Variants in CERT1 observed in about 807,000 individuals in gnomAD.
CERT1 encodes the protein ceramide transfer protein.
Under a neutral mutation model 87.9 loss-of-function variants are expected in CERT1, and 31 were observed. The ratio of observed to expected loss-of-function variants is 0.35; its 90% CI spans 0.27 to 0.48. The LOEUF is 0.48. CERT1 is among the 20% of genes least tolerant of loss of function. The pLI, the probability that CERT1 is intolerant of heterozygous loss-of-function variation, is 0.99. For missense variants in CERT1, 487 were observed against 758.0 expected, an observed-to-expected ratio of 0.64 and a Z score of 4.20; for synonymous variants, 289 against 250.9, an observed-to-expected ratio of 1.15 and a Z score of -1.44.
chr5:75,468,973 G>A (rs371185187), intron 2 of CERT1, among the ~76,000 whole-genome samples: 28 of 152,248 alleles, frequency 1.8e-4, no homozygotes, highest in Admixed American at 9.2e-4. Context: ...ACCCAAAAGA[G>A]ATGGAGATGT....
intron 9 of CERT1, 128 bp downstream of exon 9, chr5:75,402,844 T>C (rs1762553018): frequency 1.7e-6 from 1 of 573,194 alleles, no homozygotes; most frequent in South Asian, 2.7e-5. Context: ...CTCAATGTAT[T>C]CACAGTTAAG....
intron 3 of CERT1, among the ~76,000 whole-genome samples, chr5:75,444,551 T>TTG (rs1181784409): frequency 2.0e-5 from 3 of 147,020 alleles, no homozygotes; most frequent in Non-Finnish European, 3.0e-5. Flanking sequence ...TTCTTTTCTT[T>TTG]TTTTTTTTTT....
chr5:75,432,721 TTTTG>T (rs1397194277), intron 3 of CERT1, among the ~76,000 whole-genome samples: 4 of 152,220 alleles, frequency 2.6e-5, no homozygotes, highest in Non-Finnish European at 5.9e-5. Flanking sequence ...ACTTGTCAAT[TTTTG>T]TTTTTGTTGC....
intron 2 of CERT1, among the ~76,000 whole-genome samples, chr5:75,504,807 AT>A (rs1301679881): frequency 4.5e-5 from 6 of 131,878 alleles, no homozygotes; most frequent in African/African-American, 1.7e-4. Flanking sequence ...CCAGTATGCT[AT>A]TTTTTGTATT....
intron 2 of CERT1, among the ~76,000 whole-genome samples, chr5:75,494,942 T>C (rs930506923): frequency 6.6e-6 from 1 of 152,234 alleles, no homozygotes; most frequent in African/African-American, 2.4e-5. Flanking sequence ...TTGAAGTCTT[T>C]CACAACAGGA....
At chr5:75,473,263 G>C (rs1006848124) in intron 2 of CERT1, among the ~76,000 whole-genome samples, 1 of 151,920 alleles carries the variant, frequency 6.6e-6, no homozygotes, top group African/African-American at 2.4e-5. Context: ...TAAATTTTTT[G>C]TAGGGACAGG....
intron 3 of CERT1, among the ~76,000 whole-genome samples, chr5:75,450,982 T>G (rs532023213): frequency 1.3e-5 from 2 of 152,214 alleles, no homozygotes; most frequent in Non-Finnish European, 2.9e-5. Flanking sequence ...AAACTTCTAA[T>G]GTCTCAGATG....
At chr5:75,450,166 T>C (rs1432640257) in intron 3 of CERT1, among the ~76,000 whole-genome samples, 4 of 152,172 alleles carry the variant, frequency 2.6e-5, no homozygotes, top group African/African-American at 9.6e-5. Context: ...AATAAAATTC[T>C]AGGTGCCCCA....
At chr5:75,452,556 T>C (rs1183972129) in intron 3 of CERT1, among the ~76,000 whole-genome samples, 1 of 152,138 alleles carries the variant, frequency 6.6e-6, no homozygotes, top group Admixed American at 6.5e-5. Context: ...CAAAATCACA[T>C]GTATTCTAAT....
intron 7 of CERT1, among the ~76,000 whole-genome samples, chr5:75,416,291 G>A (rs1763131700): frequency 6.6e-6 from 1 of 152,096 alleles, no homozygotes; most frequent in African/African-American, 2.4e-5. Flanking sequence ...TTATTCTAAA[G>A]CTGAATTATA....
chr5:75,504,578 T>TTA (rs950053238), intron 2 of CERT1, among the ~76,000 whole-genome samples: 47 of 152,244 alleles, frequency 3.1e-4, no homozygotes, highest in African/African-American at 5.8e-4. Context: ...ATCTGAAGTA[T>TTA]TATATATATA....
chr5:75,476,904 C>T (rs1765979155), intron 2 of CERT1, among the ~76,000 whole-genome samples: 2 of 152,018 alleles, frequency 1.3e-5, no homozygotes, highest in South Asian at 2.1e-4. Context: ...CTTTGTACTC[C>T]GAGATGGGGG....
intron 2 of CERT1, among the ~76,000 whole-genome samples, chr5:75,495,145 T>A (rs1485273453): frequency 2.6e-5 from 4 of 152,252 alleles, no homozygotes; most frequent in South Asian, 4.1e-4. Context: ...AAGTGATGAA[T>A]CCTCATTAGA....
intron 2 of CERT1, among the ~76,000 whole-genome samples, chr5:75,501,470 A>T (rs1767366477): frequency 6.6e-6 from 1 of 152,196 alleles, no homozygotes; most frequent in Non-Finnish European, 1.5e-5. Context: ...TGAGACATGA[A>T]ACTACAGAAC....
chr5:75,401,392 A>G (rs1383940262), intron 9 of CERT1: 2 of 152,206 alleles, frequency 1.3e-5, no homozygotes, highest in African/African-American at 4.8e-5. Flanking sequence ...TGTTTCACAG[A>G]TTAGAAAACC....
chr5:75,472,500 A>G (rs1203174577), intron 2 of CERT1, among the ~76,000 whole-genome samples: 1 of 152,244 alleles, frequency 6.6e-6, no homozygotes, highest in Non-Finnish European at 1.5e-5. Flanking sequence ...ACAGAATGGG[A>G]GAAAATATCT....
chr5:75,421,392 TG>T (rs1763373222), intron 5 of CERT1, among the ~76,000 whole-genome samples: 1 of 152,216 alleles, frequency 6.6e-6, no homozygotes, highest in Non-Finnish European at 1.5e-5. Context: ...TTGAAAATGT[TG>T]TCAATCATCT....
At chr5:75,469,271 A>G (rs1341916357) in intron 2 of CERT1, among the ~76,000 whole-genome samples, 1 of 152,196 alleles carries the variant, frequency 6.6e-6, no homozygotes, top group Non-Finnish European at 1.5e-5. Context: ...CAGGAAAAAA[A>G]GAAGTAAGAT....
At chr5:75,480,571 C>CA (rs1766190274) in intron 2 of CERT1, among the ~76,000 whole-genome samples, 2 of 152,226 alleles carry the variant, frequency 1.3e-5, no homozygotes, top group Admixed American at 1.3e-4. Context: ...CATGCATACA[C>CA]ATAACTCCAA....
Sources: gnomAD v4.1 joint callset for allele counts (sites outside exome capture counted in the v4.1 genomes callset) on GRCh38, gnomAD v4.1.1 for gene constraint, MANE v1.5 for transcripts, NCBI Gene and HGNC (gene_info 2026-07-23, HGNC 2026-07-21) for gene names.